The following MACF1 variants were observed in gnomAD, a reference collection of about 807,000 sequenced individuals.
MACF1 encodes the protein microtubule-actin cross-linking factor 1.
A neutral mutation model predicts 854.8 loss-of-function variants in MACF1; 193 were observed. The observed-to-expected ratio is 0.23, with a 90% CI of 0.20 to 0.25. The LOEUF (loss-of-function observed/expected upper bound fraction) is 0.25, where lower values mean the gene tolerates loss of function less well. MACF1 is among the 10% of genes least tolerant of loss of function. The pLI is 1.00. For missense variants in MACF1, 7,722 were observed against 8,929.1 expected, an observed-to-expected ratio of 0.86 and a Z score of 5.45; for synonymous variants, 3,185 against 3,226.7, an observed-to-expected ratio of 0.99 and a Z score of 0.44.
chr1:39,453,683 T>A, intron 87 of MACF1, 24 bp from the exon 88 acceptor site: 1 of 1,612,488 alleles, frequency 6.2e-7, no homozygotes, highest in Non-Finnish European at 8.5e-7. Context: ...TTTACGTTTT[T>A]GTTTTCAAAT....
At chr1:39,466,085 T>G (rs1644662010) in intron 95 of MACF1, among the ~76,000 whole-genome samples, 1 of 152,156 alleles carries the variant, frequency 6.6e-6, no homozygotes, top group Non-Finnish European at 1.5e-5. Flanking sequence ...AATTATGAAG[T>G]TCATTTTATA....
rs1468208405 is a variant in MACF1, at chr1:39,430,036, G to A, written c.17098G>A (p.Glu5700Lys). Residue 5700 changes from glutamate (E) to lysine (K), a missense_variant, in exon 65 of 101, where the codon GAA becomes AAA. Glu to Lys is a moderately conservative substitution (Grantham distance 56). Transcript: ENST00000564288. ...ATSGGQSPTG[E>K]QIPQFQQRQK... ...CAGTGGAGGACAGTCTCCCACAGGG[G>A]AACAGATACCCCAGTTTCAGCAGAG... 3 of 1,613,708 alleles carry A rather than the reference G, an allele frequency of 1.9e-6. No individual in the cohort carries two copies. The highest frequency in any genetic ancestry group is 2.5e-6 in the Non-Finnish European group (3 of 1,179,872).
chr1:39,230,361 G>T (rs1644764279), intron 1 of MACF1, among the ~76,000 whole-genome samples: 1 of 152,160 alleles, frequency 6.6e-6, no homozygotes, highest in Admixed American at 6.5e-5. Context: ...GAAGGGGATA[G>T]GCCACGGAGC....
chr1:39,424,300 T>C lies in MACF1; in HGVS notation c.16316+106T>C. 3 of 900,280 alleles carry C rather than the reference T, an allele frequency of 3.3e-6. No individual in the cohort carries two copies. The South Asian group carries it at 6.3e-5, about 19-fold the overall frequency. The allele number at this position is 900,280 out of a possible 1,614,324, so 55.8% of individuals were successfully genotyped here. On this transcript the variant is annotated intron_variant, in intron 61 of 100. Transcript: ENST00000564288. ...ATGATTCATATAGATTTTTGGAAGG[T>C]GTTTAATGGCTTTTATTTGAAATGG...
Position 39,335,098 on chromosome 1 carries a change from A to T in MACF1, c.8510A>T (p.Lys2837Ile). The T allele has an allele frequency of 6.2e-7, 1 of 1,614,168 alleles. No homozygotes were observed. The highest frequency in any genetic ancestry group is 8.5e-7 in the Non-Finnish European group (1 of 1,180,026). ...KVRVSDGEQAKKSREISLKEF... is the reference protein window; with the variant it reads ...KVRVSDGEQAIKSREISLKEF... Reference sequence around the variant, plus strand: ...AGAGTTTCTGATGGGGAGCAGGCAAAAAAGAGCAGGGAAATTTCCTTAAAG... The same window carrying T: ...AGAGTTTCTGATGGGGAGCAGGCAATAAAGAGCAGGGAAATTTCCTTAAAG... Residue 2837 changes from lysine (K) to isoleucine (I), a missense_variant, in exon 37 of 101, where the codon AAA becomes ATA. Coordinates refer to ENST00000564288, the MANE Select transcript of MACF1 (RefSeq NM_001394062.1).
chr1:39,429,083 AATGGGCTAACC>A, intron 63 of MACF1, among the ~76,000 whole-genome samples, 148 bp from the exon 64 acceptor site: 1 of 152,308 alleles, frequency 6.6e-6, no homozygotes, highest in East Asian at 1.9e-4. Context: ...TTGAATAGTC[AATGGGCTAACC>A]AAGGAGAAGA....
chr1:39,292,163 G>T, intron 16 of MACF1, 125 bp downstream of exon 16: 1 of 1,128,534 alleles, frequency 8.9e-7, no homozygotes, highest in South Asian at 1.7e-5. Context: ...ATGATGAAGA[G>T]CGGTTTATGA....
Position 39,293,591 on chromosome 1 carries a change from A to G in MACF1, c.2126A>G (p.Asn709Ser), listed in dbSNP as rs372718984. 5.1e-5 allele frequency: 83 copies of G among 1,613,388 alleles called. No individual in the cohort carries two copies. The highest frequency in any genetic ancestry group is 6.2e-5 in the Non-Finnish European group (73 of 1,179,658). The change falls in exon 18 of 101, where the codon AAT becomes AGT. Residue 709 changes from asparagine (N) to serine (S), a missense_variant. By Grantham distance (46) the Asn-to-Ser change is conservative. Around this residue, in one of 15 missense-constraint regions of MACF1, gnomAD observed 1,137 missense variants for 1,263.0 expected, o/e 0.90. Coordinates refer to ENST00000564288, the MANE Select transcript of MACF1 (RefSeq NM_001394062.1). ...LAYDWSDNNSNISAKRNYFSE... is the reference protein window; with the variant it reads ...LAYDWSDNNSSISAKRNYFSE... ...TATGACTGGAGTGACAACAATTCCA[A>G]TATCTCAGCCAAGAGAAATTACTTC...
At chr1:39,392,492 A>C (rs1048569314) in intron 58 of MACF1, among the ~76,000 whole-genome samples, 1 of 152,234 alleles carries the variant, frequency 6.6e-6, no homozygotes, top group Non-Finnish European at 1.5e-5. Flanking sequence ...TATTTTTAAA[A>C]ACAGCATTAG....
At chr1:39,124,138 G>A (rs1329776946) in intron 2 of MACF1, among the ~76,000 whole-genome samples, 4 of 148,660 alleles carry the variant, frequency 2.7e-5, no homozygotes, top group Non-Finnish European at 4.5e-5. Context: ...CGCCCACCTT[G>A]GCCTCCCAAA....
chr1:39,420,252 GGACTT>G (rs1245699489), intron 58 of MACF1, among the ~76,000 whole-genome samples: 1 of 152,158 alleles, frequency 6.6e-6, no homozygotes, highest in Non-Finnish European at 1.5e-5. Flanking sequence ...CCTGTAATGT[GGACTT>G]GACATCTTCC....
intron 44 of MACF1, 147 bp downstream of exon 44, chr1:39,353,378 C>A: frequency 1.7e-6 from 1 of 590,252 alleles, no homozygotes. Flanking sequence ...CTGTTGGCCA[C>A]TCCTCTTGAA....
intron 97 of MACF1, 96 bp from the exon 98 acceptor site, chr1:39,479,702 A>G (rs1164001124): frequency 2.0e-6 from 2 of 995,620 alleles, no homozygotes; most frequent in Non-Finnish European, 3.0e-6. Flanking sequence ...CATATAACTT[A>G]TATAACTGTT....
chr1:39,286,650 A>G (rs2148388675), intron 14 of MACF1, among the ~76,000 whole-genome samples: 1 of 152,020 alleles, frequency 6.6e-6, no homozygotes, highest in South Asian at 2.1e-4. Flanking sequence ...TATTTTTAGT[A>G]GAGACGGGGT....
intron 6 of MACF1, among the ~76,000 whole-genome samples, chr1:39,278,399 A>G (rs1407522305): frequency 6.6e-6 from 1 of 152,248 alleles, no homozygotes; most frequent in Non-Finnish European, 1.5e-5. Context: ...CATCTATCTC[A>G]TTACAACTAT....
chr1:39,125,205 A>G (rs1642826806), intron 2 of MACF1, among the ~76,000 whole-genome samples: 1 of 152,234 alleles, frequency 6.6e-6, no homozygotes, highest in East Asian at 1.9e-4. Flanking sequence ...TTCAACATAT[A>G]GTGATTTCAA....
At chr1:39,183,416 G>A (rs1388346278) in intron 2 of MACF1, among the ~76,000 whole-genome samples, 1 of 152,134 alleles carries the variant, frequency 6.6e-6, no homozygotes, top group Non-Finnish European at 1.5e-5. Flanking sequence ...AATAGTATTT[G>A]TCTGTTTGTA....
chr1:39,304,808 C>CA, intron 23 of MACF1: 1 of 238,998 alleles, frequency 4.2e-6, no homozygotes, highest in African/African-American at 2.3e-5. Context: ...GTGATCCACC[C>CA]ACCTTGGCCT....
At chr1:39,145,566 T>C (rs1269471980) in intron 2 of MACF1, among the ~76,000 whole-genome samples, 2 of 152,198 alleles carry the variant, frequency 1.3e-5, no homozygotes, top group African/African-American at 4.8e-5. Context: ...TTTCTTCTAC[T>C]TCTTTAGTCA....
Sources: allele counts gnomAD v4.1 joint callset (sites outside exome capture counted in the v4.1 genomes callset), GRCh38; gene constraint gnomAD v4.1.1; regional missense constraint gnomAD v4.1.1; transcripts MANE v1.5; gene names NCBI Gene and HGNC (gene_info 2026-07-23, HGNC 2026-07-21).